The following PCDHGA3 variants were observed in gnomAD, a reference collection of about 807,000 sequenced individuals.
PCDHGA3 encodes the protein protocadherin gamma-A3.
In PCDHGA3, 40 loss-of-function variants were observed where a neutral mutation model predicts 58.5. That is an observed-to-expected ratio of 0.68 (90% CI 0.53 to 0.89). PCDHGA3 has a LOEUF of 0.89. Among genes scored for constraint, PCDHGA3 ranks in the 40% least tolerant of loss-of-function variants. The pLI is 0.00. For missense variants in PCDHGA3, 1,223 were observed against 1,195.9 expected (o/e 1.02, Z -0.33); for synonymous variants, 530 against 525.7 (o/e 1.01, Z -0.11).
At chr5:141,410,699 A>T (rs760193148) in intron 1 of PCDHGA3, 1 of 1,478,344 alleles carries the variant, frequency 6.8e-7, no homozygotes, top group East Asian at 2.3e-5. Flanking sequence ...CTTTATTTTC[A>T]TATCTAGAAT....
At chr5:141,395,727 T>G (rs895493332) in intron 1 of PCDHGA3, 1 of 153,998 alleles carries the variant, frequency 6.5e-6, no homozygotes, top group Non-Finnish European at 1.4e-5. Flanking sequence ...TGTAGATTTC[T>G]TCACTTTAAA....
At chr5:141,462,547 T>G (rs534942187) in intron 1 of PCDHGA3, among the ~76,000 whole-genome samples, 1 of 152,330 alleles carries the variant, frequency 6.6e-6, no homozygotes, top group African/African-American at 2.4e-5. Flanking sequence ...TCTTTTCTTC[T>G]TCAGTGTTTA....
intron 1 of PCDHGA3, among the ~76,000 whole-genome samples, chr5:141,467,950 C>T (rs780236016): frequency 2.6e-5 from 4 of 152,290 alleles, no homozygotes; most frequent in Admixed American, 6.5e-5. Context: ...TGAGCCACCA[C>T]ACCCGGCTGC....
At chr5:141,496,733 C>T (rs1221912777) in intron 2 of PCDHGA3, among the ~76,000 whole-genome samples, 12 of 152,138 alleles carry the variant, frequency 7.9e-5, no homozygotes, top group African/African-American at 9.7e-5. Context: ...TGTATTCATT[C>T]GTTCATTTAT....
In PCDHGA3 at chr5:141,344,771, G is replaced by A. The variant is rs1361480171; in HGVS notation, c.738G>A (p.Glu246=). The A allele has an allele frequency of 4.3e-6, 7 of 1,614,010 alleles. No individual in the cohort carries two copies. The highest frequency in any genetic ancestry group is 2.2e-5 in the East Asian group (1 of 44,888). ...NDNPPMFTQP[E]YRVSVWENVP... ...ACCCACCAATGTTTACTCAGCCTGA[G>A]TACCGTGTGAGTGTTTGGGAGAACG... Residue 246 remains glutamate (E), a synonymous_variant, in exon 1 of 4, where the codon GAG becomes GAA. Coordinates refer to ENST00000253812, the MANE Select transcript of PCDHGA3 (RefSeq NM_018916.4).
chr5:141,352,335 T>C (rs1758983241), intron 1 of PCDHGA3: 2 of 1,613,948 alleles, frequency 1.2e-6, no homozygotes, highest in African/African-American at 1.3e-5. Context: ...GTTGTGGCCT[T>C]GGCCTTGATC....
chr5:141,345,041 G>A lies in PCDHGA3; in HGVS notation c.1008G>A (p.Thr336=). The part of the protein sequence containing the change: ...GLLSRAKILV[T]VLDVNDNAPE... Reference sequence around the variant, plus strand: ...TTTCAAGAGCCAAGATTCTAGTCACGGTTCTGGATGTGAATGACAATGCTC... The same window carrying A: ...TTTCAAGAGCCAAGATTCTAGTCACAGTTCTGGATGTGAATGACAATGCTC... The change falls in exon 1 of 4, where the codon ACG becomes ACA. Residue 336 remains threonine (T), a synonymous_variant. Transcript: ENST00000253812. The A allele has an allele frequency of 6.2e-7, 1 of 1,613,942 alleles. No individual in the cohort carries two copies. The highest frequency in any genetic ancestry group is 8.5e-7 in the Non-Finnish European group (1 of 1,179,884).
chr5:141,392,881 T>C, intron 1 of PCDHGA3: 6 of 1,613,564 alleles, frequency 3.7e-6, no homozygotes, highest in Non-Finnish European at 5.1e-6. Context: ...CTGGGAACGC[T>C]GTGGGAAATC....
rs1345224043 is a variant in PCDHGA3, at chr5:141,487,695, C to G, written c.2425-7112C>G. Reference sequence around the variant, plus strand: ...TGGCTAGGCCATGTCCTAGAGAGTACTGGCCTCTCAGTAAGTGCCCATAGT... The same window carrying G: ...TGGCTAGGCCATGTCCTAGAGAGTAGTGGCCTCTCAGTAAGTGCCCATAGT... On this transcript the variant is annotated intron_variant, in intron 1 of 3. Transcript: ENST00000253812. The surrounding 1 kb of genome is among the most constrained non-coding windows in gnomAD (Gnocchi z 5.0). 1 of 1,601,306 alleles carries G rather than the reference C, an allele frequency of 6.2e-7. No individual in the cohort carries two copies.
At position 141,493,774 on chromosome 5, in the gene PCDHGA3, C is replaced by T. The variant is rs2099749996; in HGVS notation, c.2425-1033C>T. On this transcript the variant is annotated intron_variant, in intron 1 of 3. Coordinates refer to ENST00000253812, the MANE Select transcript of PCDHGA3 (RefSeq NM_018916.4). The surrounding 1 kb of genome is among the most constrained non-coding windows in gnomAD (Gnocchi z 4.3). ...GCCTTGAGTGAGCCACTGGCAGTTC[C>T]GGAGCTTCCTTCTCCCTGGAGTAAT... Among the ~76,000 whole-genome samples, 1 of 152,258 alleles carries T rather than the reference C, an allele frequency of 6.6e-6. No homozygotes were observed. The highest frequency in any genetic ancestry group is 1.9e-4 in the East Asian group (1 of 5,176).
intron 1 of PCDHGA3, chr5:141,423,625 A>G (rs375112361): frequency 1.6e-5 from 25 of 1,606,754 alleles, no homozygotes; most frequent in Admixed American, 6.8e-5. Flanking sequence ...AGACTCAGCT[A>G]TCATTTTAGG....
chr5:141,405,204 A>G, intron 1 of PCDHGA3: 1 of 1,613,034 alleles, frequency 6.2e-7, no homozygotes. Flanking sequence ...GCTTTCCTAC[A>G]GACCTATTCT....
At position 141,487,741 on chromosome 5, in the gene PCDHGA3, A is replaced by C. The variant is rs773413559; in HGVS notation, c.2425-7066A>C. 1.6e-4 allele frequency: 247 copies of C among 1,561,638 alleles called. 1 individual carries two copies. The highest frequency in any genetic ancestry group is 2.1e-4 in the Non-Finnish European group (244 of 1,151,698). On this transcript the variant is annotated intron_variant, in intron 1 of 3. Coordinates refer to ENST00000253812, the MANE Select transcript of PCDHGA3 (RefSeq NM_018916.4). This position sits in a 1 kb window ranked among gnomAD's most constrained non-coding sequence, Gnocchi z 5.0. ...ATAGTGATGTCACCATTTTTGTAAG[A>C]GGTAACTATGTGGTAGACGCTGTGC... is the stretch of plus-strand genomic sequence containing the variant.
intron 1 of PCDHGA3, chr5:141,384,223 G>A (rs1779858487): frequency 6.2e-7 from 1 of 1,613,742 alleles, no homozygotes; most frequent in African/African-American, 1.3e-5. Context: ...ATTCATGCAG[G>A]TGGCAGACAC....
chr5:141,371,759 C>T (rs1768010775), intron 1 of PCDHGA3: 1 of 1,614,044 alleles, frequency 6.2e-7, no homozygotes, highest in Non-Finnish European at 8.5e-7. Context: ...TCCACCAGGC[C>T]TCCTACACCG....
At chr5:141,371,831 C>G (rs374832321) in intron 1 of PCDHGA3, 7 of 1,613,652 alleles carry the variant, frequency 4.3e-6, no homozygotes, top group Non-Finnish European at 5.1e-6. Flanking sequence ...CCTCGGATCC[C>G]GACTTGGGAC....
intron 1 of PCDHGA3, chr5:141,365,065 C>T (rs1300257401): frequency 6.2e-7 from 1 of 1,613,786 alleles, no homozygotes; most frequent in Non-Finnish European, 8.5e-7. Flanking sequence ...TCACCCCATC[C>T]GAGTACAGCG....
chr5:141,352,536 C>T lies in PCDHGA3; in HGVS notation c.2424+6079C>T. ...TGTATTGCCTCTCATTCTGCAAAGA[C>T]AGAGTTTAATTCTCTCAACCTGACA... On this transcript the variant is annotated intron_variant, in intron 1 of 3. Coordinates refer to ENST00000253812, the MANE Select transcript of PCDHGA3 (RefSeq NM_018916.4). 6.2e-7 allele frequency: 1 copy of T among 1,614,032 alleles called. No homozygotes were observed.
chr5:141,408,918 C>G, intron 1 of PCDHGA3: 1 of 1,613,408 alleles, frequency 6.2e-7, no homozygotes, highest in Non-Finnish European at 8.5e-7. Flanking sequence ...AATGATAACC[C>G]CCCGGTTTTC....
Sources: allele counts gnomAD v4.1 joint callset (sites outside exome capture counted in the v4.1 genomes callset), GRCh38; gene constraint gnomAD v4.1.1; non-coding constraint Gnocchi (gnomAD v3.1); transcripts MANE v1.5; gene names NCBI Gene and HGNC (gene_info 2026-07-23, HGNC 2026-07-21).